DLGAP1: variants seen among roughly 807,000 people sequenced by gnomAD.
DLGAP1 encodes disks large-associated protein 1.
Under a neutral mutation model 90.8 loss-of-function variants are expected in DLGAP1, and 11 were observed. The observed-to-expected ratio is 0.12, with a 90% CI of 0.08 to 0.20. The LOEUF (loss-of-function observed/expected upper bound fraction) is 0.20. DLGAP1 is among the 10% of genes least tolerant of loss of function. The pLI is 1.00. For missense variants in DLGAP1, 1,050 were observed against 1,333.8 expected (o/e 0.79, Z 3.31); for synonymous variants, 558 against 540.7 (o/e 1.03, Z -0.44).
At chr18:4,073,710 A>G (rs1205857333) in intron 2 of DLGAP1, among the ~76,000 whole-genome samples, 3 of 152,182 alleles carry the variant, frequency 2.0e-5, no homozygotes, top group Admixed American at 6.5e-5. Context: ...AAAATAAATT[A>G]GCTGCTCAAT....
At chr18:3,998,460 G>A (rs759198594) in intron 3 of DLGAP1, among the ~76,000 whole-genome samples, 2 of 149,724 alleles carry the variant, frequency 1.3e-5, no homozygotes, top group South Asian at 2.1e-4. Flanking sequence ...TTCCAGGTCC[G>A]TCTTGTACAC....
intron 3 of DLGAP1, among the ~76,000 whole-genome samples, chr18:3,975,228 G>A (rs967425183): frequency 1.3e-5 from 2 of 151,974 alleles, no homozygotes; most frequent in African/African-American, 4.8e-5. Context: ...AAATACATAT[G>A]CAAAACAAAC....
chr18:3,627,866 C>T (rs530521314), intron 7 of DLGAP1, among the ~76,000 whole-genome samples: 1 of 142,394 alleles, frequency 7.0e-6, no homozygotes, highest in Admixed American at 7.7e-5. Context: ...CTTCCTCCCT[C>T]CTTCCTTCCT....
At chr18:3,539,944 AGCACTCTGCTATTCT>A (rs1310360725) in intron 9 of DLGAP1, among the ~76,000 whole-genome samples, 1 of 152,212 alleles carries the variant, frequency 6.6e-6, no homozygotes, top group Non-Finnish European at 1.5e-5. Context: ...GAGCAATGCT[AGCACTCTGCTATTCT>A]TTCTTTCTTT....
intron 1 of DLGAP1, among the ~76,000 whole-genome samples, chr18:4,425,004 T>C (rs890915556): frequency 1.4e-5 from 2 of 142,888 alleles, no homozygotes; most frequent in African/African-American, 2.6e-5. Context: ...GCCTAGTATA[T>C]ACAAAAATCT....
intron 3 of DLGAP1, among the ~76,000 whole-genome samples, chr18:3,899,825 C>G (rs2071742936): frequency 6.6e-6 from 1 of 152,128 alleles, no homozygotes; most frequent in South Asian, 2.1e-4. Context: ...GCAAGTTTTC[C>G]TGCTAAGATC....
intron 1 of DLGAP1, among the ~76,000 whole-genome samples, chr18:4,307,693 C>T (rs1463914463): frequency 6.8e-6 from 1 of 148,096 alleles, no homozygotes. Context: ...CCTCAGGTAG[C>T]AAACTTGAGG....
chr18:4,388,236 T>C (rs555333718), intron 1 of DLGAP1, among the ~76,000 whole-genome samples: 1 of 151,634 alleles, frequency 6.6e-6, no homozygotes, highest in East Asian at 2.0e-4. Context: ...AAGTAAAACA[T>C]AGAGAGGGGA....
chr18:3,651,815 A>G (rs1191192704), intron 7 of DLGAP1, among the ~76,000 whole-genome samples: 1 of 152,012 alleles, frequency 6.6e-6, no homozygotes, highest in African/African-American at 2.4e-5. Flanking sequence ...TCTACTATAA[A>G]TACAAAATAG....
chr18:3,856,639 A>G (rs1317837173), intron 4 of DLGAP1, among the ~76,000 whole-genome samples: 1 of 152,192 alleles, frequency 6.6e-6, no homozygotes, highest in African/African-American at 2.4e-5. Context: ...AAGCGGGCAG[A>G]TCACGAGGTC....
At chr18:3,888,564 A>C (rs1054790488) in intron 3 of DLGAP1, among the ~76,000 whole-genome samples, 1 of 152,184 alleles carries the variant, frequency 6.6e-6, no homozygotes, top group Admixed American at 6.5e-5. Flanking sequence ...TAAAAAAAAA[A>C]AAACCAACGA....
intron 7 of DLGAP1, among the ~76,000 whole-genome samples, chr18:3,700,825 G>A (rs374103531): frequency 3.5e-4 from 53 of 151,784 alleles, no homozygotes; most frequent in African/African-American, 1.3e-3. Flanking sequence ...TAGCCAGGAT[G>A]GTCTCTGTCT....
chr18:3,980,690 A>G (rs558799290), intron 3 of DLGAP1, among the ~76,000 whole-genome samples: 70 of 152,214 alleles, frequency 4.6e-4, no homozygotes, highest in East Asian at 1.9e-3. Context: ...GTTTGTCCAT[A>G]TGCTTATTAC....
chr18:3,904,381 C>G (rs978880022), intron 3 of DLGAP1, among the ~76,000 whole-genome samples: 1 of 152,204 alleles, frequency 6.6e-6, no homozygotes, highest in African/African-American at 2.4e-5. Context: ...GCAATGCTGG[C>G]TTGGCTTCAG....
At chr18:4,330,892 C>T (rs1343815212) in intron 1 of DLGAP1, among the ~76,000 whole-genome samples, 1 of 151,864 alleles carries the variant, frequency 6.6e-6, no homozygotes, top group African/African-American at 2.4e-5. Flanking sequence ...TATACTCTTT[C>T]CAATTTTCTC....
intron 7 of DLGAP1, among the ~76,000 whole-genome samples, chr18:3,671,984 G>A (rs980311227): frequency 2.6e-5 from 4 of 151,928 alleles, no homozygotes; most frequent in Admixed American, 2.0e-4. Context: ...TGTATATTTC[G>A]TGTTTTTTTC....
At chr18:3,837,360 C>A (rs1025515381) in intron 4 of DLGAP1, among the ~76,000 whole-genome samples, 9 of 152,104 alleles carry the variant, frequency 5.9e-5, no homozygotes, top group African/African-American at 1.7e-4. Flanking sequence ...CCTTCCAGTT[C>A]TATTTGTATA....
At chr18:3,610,861 T>A (rs116999727) in intron 7 of DLGAP1, among the ~76,000 whole-genome samples, 3,827 of 147,742 alleles carry the variant, frequency 0.026, 74 homozygotes, top group Non-Finnish European at 0.039. Flanking sequence ...AAAGATGGTA[T>A]AAAAGTATTA....
At chr18:3,626,196 G>A (rs929835634) in intron 7 of DLGAP1, among the ~76,000 whole-genome samples, 8 of 152,036 alleles carry the variant, frequency 5.3e-5, no homozygotes, top group African/African-American at 1.9e-4. Context: ...GGGGGGCTGA[G>A]GTGGGAGGAT....
Sources: gnomAD v4.1 joint callset for allele counts (sites outside exome capture counted in the v4.1 genomes callset) on GRCh38, gnomAD v4.1.1 for gene constraint, MANE v1.5 for transcripts, NCBI Gene and HGNC (gene_info 2026-07-23, HGNC 2026-07-21) for gene names.